The following MTOR variants were observed in gnomAD, a reference collection of about 807,000 sequenced individuals.
MTOR encodes the protein serine/threonine-protein kinase mTOR.
In MTOR, 70 loss-of-function variants were observed where a neutral mutation model predicts 319.8. That is an observed-to-expected ratio of 0.22 (90% confidence interval 0.18 to 0.27). MTOR has a LOEUF of 0.27. Ranked by LOEUF, MTOR falls within the 10% of genes least tolerant of loss-of-function variation. The probability of loss-of-function intolerance (pLI) is 1.00; values close to 1 mark genes in which losing one functional copy is unlikely to be tolerated. For missense variants in MTOR, 1,890 were observed against 3,274.4 expected (o/e 0.58, Z 10.32); for synonymous variants, 1,183 against 1,211.4 (o/e 0.98, Z 0.49).
chr1:11,156,157 ATTG>A (rs1410936433), intron 30 of MTOR, among the ~76,000 whole-genome samples: 1 of 151,826 alleles, frequency 6.6e-6, no homozygotes, highest in Non-Finnish European at 1.5e-5. Flanking sequence ...CGTCCAACTA[ATTG>A]TTTATTTTTA....
intron 3 of MTOR, 42 bp downstream of exon 3, chr1:11,258,443 A>C (rs780190248): frequency 7.2e-7 from 1 of 1,379,562 alleles, no homozygotes; most frequent in South Asian, 1.2e-5. Context: ...GTGGGCACAA[A>C]GGTGAGTGTG....
intron 28 of MTOR, among the ~76,000 whole-genome samples, chr1:11,184,753 A>T (rs928709492): frequency 1.3e-5 from 2 of 152,152 alleles, no homozygotes; most frequent in Non-Finnish European, 2.9e-5. Context: ...AAAAAATAAA[A>T]AAAAATTGTT....
At chr1:11,159,594 T>G (rs1052555128) in intron 29 of MTOR, among the ~76,000 whole-genome samples, 2 of 150,870 alleles carry the variant, frequency 1.3e-5, no homozygotes, top group Non-Finnish European at 2.9e-5. Flanking sequence ...TGAACCAAGA[T>G]CGTGCCATTG....
intron 47 of MTOR, among the ~76,000 whole-genome samples, 190 bp from the exon 48 acceptor site, chr1:11,122,316 G>A (rs1325707280): frequency 6.6e-6 from 1 of 151,698 alleles, no homozygotes; most frequent in Admixed American, 6.6e-5. Flanking sequence ...TGATCCTCCT[G>A]CCTCAGCCTC....
chr1:11,225,419 GTT>G (rs1298466270), intron 19 of MTOR, among the ~76,000 whole-genome samples: 8 of 116,364 alleles, frequency 6.9e-5, no homozygotes, highest in Non-Finnish European at 1.1e-4. Flanking sequence ...TCAAAAATTG[GTT>G]CTTTTTTTTT....
chr1:11,232,089 TGGGCAA>T (rs1647037227), intron 16 of MTOR, among the ~76,000 whole-genome samples: 1 of 152,216 alleles, frequency 6.6e-6, no homozygotes, highest in Non-Finnish European at 1.5e-5. Context: ...GAACCAGGGC[TGGGCAA>T]GGATGAGCTA....
chr1:11,178,284 T>A (rs1226188912), intron 28 of MTOR, among the ~76,000 whole-genome samples: 1 of 152,208 alleles, frequency 6.6e-6, no homozygotes, highest in Non-Finnish European at 1.5e-5. Flanking sequence ...TCCAGGCATC[T>A]CCTGGTTGGA....
At chr1:11,124,413 G>C (rs2100379860) in intron 47 of MTOR, 85 bp downstream of exon 47, 1 of 1,512,806 alleles carries the variant, frequency 6.6e-7, no homozygotes, top group Non-Finnish European at 9.0e-7. Flanking sequence ...TTTTTGTTAA[G>C]ATATAATACA....
chr1:11,109,241 G>T lies in MTOR; in HGVS notation c.7528+49C>A. ...GGCTGACCACCACTCAGAGAGGAAAGTGTGCTCAGATTTTATGTCCCTTTT... is the reference window on the plus strand; with the variant it reads ...GGCTGACCACCACTCAGAGAGGAAATTGTGCTCAGATTTTATGTCCCTTTT... On this transcript the variant is annotated intron_variant, in intron 56 of 57. Transcript: ENST00000361445. The surrounding 1 kb of genome is among the most constrained non-coding windows in gnomAD (Gnocchi z 4.0). 6.4e-7 allele frequency: 1 copy of T among 1,554,608 alleles called. No individual in the cohort carries two copies. Among genetic ancestry groups the T allele is most frequent in the South Asian group, 1.1e-5 (1 of 88,034 alleles).
At position 11,128,746 on chromosome 1, in the gene MTOR, A is replaced by T; in HGVS notation, c.5811+109T>A. 9.4e-7 allele frequency: 1 copy of T among 1,065,126 alleles called. No homozygotes were observed. The highest frequency in any genetic ancestry group is 2.5e-5 in the East Asian group (1 of 40,334). 66.0% of individuals were successfully genotyped at this position (1,065,126 alleles called of 1,614,324 possible). A position where few individuals can be genotyped will look rare whatever the true frequency, so the allele number is the denominator to read the frequency against. ...TGGGACCGAGCCCTACTTCCTTAGC[A>T]CTGTATTAACACACACTGCCTTGTG... On this transcript the variant is annotated intron_variant, in intron 41 of 57. Transcript: ENST00000361445. This position sits in a 1 kb window ranked among gnomAD's most constrained non-coding sequence, Gnocchi z 5.3.
In MTOR at chr1:11,117,157, G is replaced by T. The variant is rs1642206545; in HGVS notation, c.6934-71C>A. ...TTTCAACATAATTATACTCTAATAA[G>T]CTGTCTTTGGTTTGTACTTTTGAGA... is the stretch of plus-strand genomic sequence containing the variant. On this transcript the variant is annotated intron_variant, in intron 49 of 57. Coordinates refer to ENST00000361445, the MANE Select transcript of MTOR (RefSeq NM_004958.4). The T allele has an allele frequency of 5.6e-6, 7 of 1,259,490 alleles. No individual in the cohort carries two copies. In the Admixed American group the frequency reaches 1.1e-4, roughly 19 times the overall value. 78.0% of individuals were successfully genotyped at this position (1,259,490 alleles called of 1,614,324 possible). A position where few individuals can be genotyped will look rare whatever the true frequency, so the allele number is the denominator to read the frequency against.
At position 11,230,913 on chromosome 1, in the gene MTOR, C is replaced by T. The variant is rs569444606; in HGVS notation, c.2779+12G>A. On this transcript the variant is annotated intron_variant, in intron 18 of 57. Transcript: ENST00000361445. ...GAACTTGGCAAGTCTTTCATGGCTACCCCCAACTTACAGGAATCCTGACTT... is the reference window on the plus strand; with the variant it reads ...GAACTTGGCAAGTCTTTCATGGCTATCCCCAACTTACAGGAATCCTGACTT... 1.9e-6 allele frequency: 3 copies of T among 1,613,232 alleles called. No individual in the cohort carries two copies. Among genetic ancestry groups the T allele is most frequent in the South Asian group, 1.1e-5 (1 of 91,014 alleles).
At chr1:11,141,432 G>A (rs938972061) in intron 34 of MTOR, among the ~76,000 whole-genome samples, 2 of 151,726 alleles carry the variant, frequency 1.3e-5, no homozygotes, top group East Asian at 3.9e-4. Flanking sequence ...GCAGTGGCTC[G>A]GTCTCGGCTC....
intron 38 of MTOR, 129 bp from the exon 39 acceptor site, chr1:11,130,906 A>G: frequency 8.3e-7 from 1 of 1,205,876 alleles, no homozygotes. Context: ...CAAACACTTC[A>G]AGGAGACACT....
chr1:11,220,631 G>A lies in MTOR; in HGVS notation c.3031-4397C>T, dbSNP rs547774845. Among the ~76,000 whole-genome samples, 86 of 152,286 alleles carry A rather than the reference G, an allele frequency of 5.6e-4. 1 individual carries two copies. The highest frequency in any genetic ancestry group is 2.0e-3 in the African/African-American group (83 of 41,576). ...ATGTTTAATAAGATGGAGGAAGGGGGCCTAGGAACGCAGGCACCCTCTAAA... is the reference window on the plus strand; with the variant it reads ...ATGTTTAATAAGATGGAGGAAGGGGACCTAGGAACGCAGGCACCCTCTAAA... On this transcript the variant is annotated intron_variant, in intron 19 of 57. Transcript: ENST00000361445.
chr1:11,139,738 C>G, intron 34 of MTOR, 80 bp from the exon 35 acceptor site: 1 of 1,572,246 alleles, frequency 6.4e-7, no homozygotes, highest in Middle Eastern at 1.8e-4. Flanking sequence ...GTCGCCCAGG[C>G]TGGAGTGCAG....
intron 19 of MTOR, among the ~76,000 whole-genome samples, chr1:11,218,995 G>A (rs1407442450): frequency 2.6e-5 from 4 of 151,408 alleles, no homozygotes; most frequent in Non-Finnish European, 5.9e-5. Flanking sequence ...ATCACCCCGA[G>A]CTCAGAAGTT....
chr1:11,221,457 A>G (rs1043751347), intron 19 of MTOR, among the ~76,000 whole-genome samples: 9 of 152,138 alleles, frequency 5.9e-5, no homozygotes, highest in Admixed American at 5.9e-4. Flanking sequence ...AACATTGGTC[A>G]TTTTCTATTT....
chr1:11,172,862 CAA>C (rs35521014), intron 28 of MTOR, among the ~76,000 whole-genome samples: 3 of 133,806 alleles, frequency 2.2e-5, no homozygotes, highest in Admixed American at 7.6e-5. Flanking sequence ...GACTCTGTCT[CAA>C]AAAAAAAAAA....
Sources: allele counts gnomAD v4.1 joint callset (sites outside exome capture counted in the v4.1 genomes callset), GRCh38; gene constraint gnomAD v4.1.1; non-coding constraint Gnocchi (gnomAD v3.1); transcripts MANE v1.5; gene names NCBI Gene and HGNC (gene_info 2026-07-23, HGNC 2026-07-21).